Variants in SIM2 observed in about 807,000 individuals in gnomAD.
The protein encoded by SIM2 is single-minded homolog 2.
SIM2 carries 28 observed loss-of-function variants against 64.8 expected under a neutral mutation model. The observed-to-expected ratio is 0.43, with a 90% CI of 0.32 to 0.59. The LOEUF (loss-of-function observed/expected upper bound fraction) is 0.59. Ranked by LOEUF, SIM2 falls within the 20% of genes least tolerant of loss-of-function variation. The probability of loss-of-function intolerance (pLI) is 0.07; values close to 1 mark genes in which losing one functional copy is unlikely to be tolerated. For synonymous variants in SIM2, 408 were observed against 391.1 expected, an observed-to-expected ratio of 1.04 and a Z score of -0.51; for missense variants, 847 against 871.4, an observed-to-expected ratio of 0.97 and a Z score of 0.35.
At chr21:36,703,915 C>T (rs888090554) in intron 1 of SIM2, among the ~76,000 whole-genome samples, 1 of 152,246 alleles carries the variant, frequency 6.6e-6, no homozygotes, top group African/African-American at 2.4e-5. Context: ...GGGCCTCCAG[C>T]ACCAGACTCA....
intron 6 of SIM2, among the ~76,000 whole-genome samples, chr21:36,727,801 G>C (rs1251634807): frequency 6.6e-6 from 1 of 152,052 alleles, no homozygotes; most frequent in African/African-American, 2.4e-5. Flanking sequence ...TTAAAGTTGT[G>C]GTAAAATACA....
intron 7 of SIM2, among the ~76,000 whole-genome samples, chr21:36,733,094 G>A (rs896103491): frequency 6.6e-6 from 1 of 152,188 alleles, no homozygotes; most frequent in African/African-American, 2.4e-5. Flanking sequence ...CCCCTTCCAT[G>A]GAGGCAGGAG....
At chr21:36,746,919 C>A (rs1322852935) in intron 10 of SIM2, among the ~76,000 whole-genome samples, 1 of 152,192 alleles carries the variant, frequency 6.6e-6, no homozygotes, top group East Asian at 1.9e-4. Flanking sequence ...CTCCTTATCA[C>A]ACACTTGATA....
intron 1 of SIM2, 105 bp downstream of exon 1, chr21:36,700,026 TC>T: frequency 2.4e-6 from 3 of 1,235,938 alleles, no homozygotes; most frequent in Non-Finnish European, 3.3e-6. Context: ...CGGCCTGGCG[TC>T]CAGAGCTGGG....
rs1359824988 is a variant in SIM2, at chr21:36,745,649, A to G, written c.1576+513A>G. 2.6e-6 allele frequency: 3 copies of G among 1,158,234 alleles called. No homozygotes were observed. Among genetic ancestry groups the G allele is most frequent in the South Asian group, 1.9e-5 (1 of 53,788 alleles). The allele number at this position is 1,158,234 out of a possible 1,614,324, so 71.7% of individuals were successfully genotyped here. A position where few individuals can be genotyped will look rare whatever the true frequency, so the allele number is the denominator to read the frequency against. On this transcript the variant is annotated intron_variant, in intron 10 of 10. Transcript: ENST00000290399. The surrounding 1 kb of genome is among the most constrained non-coding windows in gnomAD (Gnocchi z 4.8). ...CACCAACCCAGGGCAAAGAACACAAACCCTCCAGGCCTCAGTTTCTTCACC... is the reference window on the plus strand; with the variant it reads ...CACCAACCCAGGGCAAAGAACACAAGCCCTCCAGGCCTCAGTTTCTTCACC...
At chr21:36,710,961 A>T (rs540184391) in intron 2 of SIM2, among the ~76,000 whole-genome samples, 1 of 152,314 alleles carries the variant, frequency 6.6e-6, no homozygotes, top group African/African-American at 2.4e-5. Context: ...GTGCTGGGGA[A>T]CTTCAATGAA....
At chr21:36,708,080 T>C (rs1176743507) in intron 1 of SIM2, among the ~76,000 whole-genome samples, 1 of 151,740 alleles carries the variant, frequency 6.6e-6, no homozygotes, top group Non-Finnish European at 1.5e-5. Context: ...GCCGGGCGCG[T>C]TGTCCTCCGG....
At chr21:36,734,415 T>C (rs942119506) in intron 7 of SIM2, among the ~76,000 whole-genome samples, 1 of 152,170 alleles carries the variant, frequency 6.6e-6, no homozygotes, top group African/African-American at 2.4e-5. Context: ...TGAGCCAGAA[T>C]TGGTAATTCA....
chr21:36,747,800 T>G lies in SIM2; in HGVS notation c.1712T>G (p.Leu571Arg). Residue 571 changes from leucine to arginine, a missense_variant, in exon 11 of 11, where the codon CTG becomes CGG. Leu to Arg is a moderately radical substitution (Grantham distance 102, BLOSUM62 -2). This residue lies in a region of SIM2 where 447 missense variants were observed against 414.6 expected (regional missense o/e 1.08). Transcript: ENST00000290399. The surrounding 1 kb of genome is among the most constrained non-coding windows in gnomAD (Gnocchi z 4.5). ...ARQAARDGARLALARAAPECC... is the reference protein window; with the variant it reads ...ARQAARDGARRALARAAPECC... ...CAGGCCGCCCGGGACGGGGCGCGGC[T>G]GGCGCTGGCCCGCGCGGCACCCGAG... 2 of 1,041,356 alleles carry G rather than the reference T, an allele frequency of 1.9e-6. No homozygotes were observed. The highest frequency in any genetic ancestry group is 2.3e-6 in the Non-Finnish European group (2 of 869,586). The allele number at this position is 1,041,356 out of a possible 1,614,324, so 64.5% of individuals were successfully genotyped here.
intron 1 of SIM2, among the ~76,000 whole-genome samples, chr21:36,700,924 GGGTGGGCTGCCCCGCCGCCCACGCC>G (rs1276018881): frequency 6.6e-6 from 1 of 152,260 alleles, no homozygotes; most frequent in Non-Finnish European, 1.5e-5. Context: ...GTGGCGCGCT[GGGTGGGCTGCCCCGCCGCCCACGCC>G]GGTTGCCGCT....
At chr21:36,711,145 A>G (rs150785156) in intron 2 of SIM2, among the ~76,000 whole-genome samples, 114 of 152,300 alleles carry the variant, frequency 7.5e-4, no homozygotes, top group Non-Finnish European at 1.4e-3. Flanking sequence ...TTATTTTTTT[A>G]GCTACTGCTG....
Position 36,747,513 on chromosome 21 carries a change from C to A in SIM2, c.1577-152C>A. 1 of 399,950 alleles carries A rather than the reference C, an allele frequency of 2.5e-6. No individual in the cohort carries two copies. The highest frequency in any genetic ancestry group is 3.9e-6 in the Non-Finnish European group (1 of 253,988). 24.8% of individuals were successfully genotyped at this position (399,950 alleles called of 1,614,324 possible). A position where few individuals can be genotyped will look rare whatever the true frequency, so the allele number is the denominator to read the frequency against. On this transcript the variant is annotated intron_variant, in intron 10 of 10. Transcript: ENST00000290399. The surrounding 1 kb of genome is among the most constrained non-coding windows in gnomAD (Gnocchi z 4.5). ...CAGGTCGCGTCCTGAGATTGGACAG[C>A]ACGGCCTAGACTAAGGCGGGGGAGG...
chr21:36,731,526 T>C (rs2088968968), intron 7 of SIM2, among the ~76,000 whole-genome samples: 1 of 152,186 alleles, frequency 6.6e-6, no homozygotes, highest in Non-Finnish European at 1.5e-5. Context: ...AGTGACTAAA[T>C]ACATTACCAG....
At chr21:36,733,622 C>T (rs1445981138) in intron 7 of SIM2, among the ~76,000 whole-genome samples, 1 of 145,980 alleles carries the variant, frequency 6.9e-6, no homozygotes, top group Admixed American at 6.9e-5. Flanking sequence ...TGCAGTGGTG[C>T]GATCTCGGCT....
At position 36,699,694 on chromosome 21, in the gene SIM2, G is replaced by T; in HGVS notation, c.-53G>T. 6.3e-7 allele frequency: 1 copy of T among 1,575,978 alleles called. No homozygotes were observed. Among genetic ancestry groups the T allele is most frequent in the South Asian group, 1.2e-5 (1 of 86,888 alleles). On this transcript the variant is annotated 5_prime_UTR_variant, in exon 1 of 11. Coordinates refer to ENST00000290399, the MANE Select transcript of SIM2 (RefSeq NM_005069.6). The surrounding 1 kb of genome is among the most constrained non-coding windows in gnomAD (Gnocchi z 5.6). ...TCCCCGCCGCCGCAGCCCGAGCGGG[G>T]CTCCGCGGGCCTGGAGCACGGCCGG... is the stretch of plus-strand genomic sequence containing the variant.
Position 36,747,902 on chromosome 21 carries a change from T to C in SIM2, c.1814T>C (p.Val605Ala). The C allele has an allele frequency of 1.9e-6, 2 of 1,068,418 alleles. No homozygotes were observed. Among genetic ancestry groups the C allele is most frequent in the East Asian group, 1.0e-4 (1 of 9,750 alleles). 66.2% of individuals were successfully genotyped at this position (1,068,418 alleles called of 1,614,324 possible). Reference protein sequence around the residue: ...LPFVLLNYHRVLARRGPLGGA... With the variant: ...LPFVLLNYHRALARRGPLGGA... ...TTCGTGCTGCTCAACTACCACCGCG[T>C]GCTGGCCCGGCGCGGACCGCTGGGG... Residue 605 changes from valine (V) to alanine (A), a missense_variant, in exon 11 of 11, where the codon GTG becomes GCG. By Grantham distance (64) the Val-to-Ala change is moderately conservative. Transcript: ENST00000290399. This position sits in a 1 kb window ranked among gnomAD's most constrained non-coding sequence, Gnocchi z 4.5.
chr21:36,744,614 G>A (rs1296197386), intron 9 of SIM2, 114 bp from the exon 10 acceptor site: 7 of 1,317,792 alleles, frequency 5.3e-6, no homozygotes, highest in Non-Finnish European at 7.1e-6. Flanking sequence ...GGTGGCGAGG[G>A]TAGGGGCAGC....
rs141108467 is a variant in SIM2 at position 36,726,098 on chromosome 21, C to A, written c.544-21C>A. 1.1e-3 allele frequency: 1,723 copies of A among 1,607,966 alleles called. 16 individuals carry two copies. In the African/African-American group the frequency reaches 0.02, roughly 19 times the overall value. On this transcript the variant is annotated intron_variant, in intron 5 of 10. Transcript: ENST00000290399. This position sits in a 1 kb window ranked among gnomAD's most constrained non-coding sequence, Gnocchi z 4.5. ...CCCAACCCCAGTGGCCAGTGGCTGA[C>A]CCTGCCCTCTCCACTCCCAGGTCAT...
chr21:36,740,341 T>C (rs1425940726), intron 7 of SIM2, among the ~76,000 whole-genome samples: 2 of 152,174 alleles, frequency 1.3e-5, no homozygotes, highest in African/African-American at 4.8e-5. Flanking sequence ...AATCATACAA[T>C]GTTTGTTTCT....
Sources: gnomAD v4.1 joint callset for allele counts (sites outside exome capture counted in the v4.1 genomes callset) on GRCh38, gnomAD v4.1.1 for gene constraint, gnomAD v4.1.1 regional missense constraint, Gnocchi (gnomAD v3.1) non-coding constraint, MANE v1.5 for transcripts, NCBI Gene and HGNC (gene_info 2026-07-23, HGNC 2026-07-21) for gene names.